TMEM156: variants seen among roughly 807,000 people sequenced by gnomAD.
The protein encoded by TMEM156 is transmembrane protein 156.
In TMEM156, 28 loss-of-function variants were observed where a neutral mutation model predicts 30.5. The observed-to-expected ratio is 0.92, with a 90% CI of 0.68 to 1.26. The LOEUF (loss-of-function observed/expected upper bound fraction) is 1.26, where lower values mean the gene tolerates loss of function less well. Ranked by LOEUF, TMEM156 falls within the 50% of genes most tolerant of loss-of-function variation. The pLI, the probability that TMEM156 is intolerant of heterozygous loss-of-function variation, is 0.00. For missense variants in TMEM156, 351 were observed against 340.6 expected, an observed-to-expected ratio of 1.03 and a Z score of -0.24; for synonymous variants, 137 against 119.9, an observed-to-expected ratio of 1.14 and a Z score of -0.93.
intron 5 of TMEM156, among the ~76,000 whole-genome samples, chr4:38,983,709 T>G (rs571239116): frequency 6.6e-6 from 1 of 152,356 alleles, no homozygotes; most frequent in Admixed American, 6.5e-5. Flanking sequence ...CTAGAGTTAC[T>G]TTTGCATGTT....
intron 5 of TMEM156, among the ~76,000 whole-genome samples, chr4:38,978,750 G>A (rs1723022997): frequency 2.6e-5 from 4 of 152,144 alleles, no homozygotes; most frequent in African/African-American, 7.2e-5. Flanking sequence ...CCCCTAAAAT[G>A]GGGAGAAAGT....
At chr4:39,004,307 A>T (rs1272713483) in intron 1 of TMEM156, among the ~76,000 whole-genome samples, 1 of 152,320 alleles carries the variant, frequency 6.6e-6, no homozygotes, top group African/African-American at 2.4e-5. Context: ...CAAATGCTCA[A>T]GTCAAATATT....
At chr4:38,984,501 T>C (rs1360599419) in intron 5 of TMEM156, among the ~76,000 whole-genome samples, 1 of 151,986 alleles carries the variant, frequency 6.6e-6, no homozygotes, top group Non-Finnish European at 1.5e-5. Context: ...CGCTTTGAAC[T>C]ACATTTTTTT....
At chr4:39,022,121 T>C (rs1714909416) in intron 1 of TMEM156, among the ~76,000 whole-genome samples, 1 of 152,214 alleles carries the variant, frequency 6.6e-6, no homozygotes, top group Admixed American at 6.6e-5. Flanking sequence ...GAGTGTCTAA[T>C]GGCACCATTA....
At chr4:38,972,550 CTCTT>C (rs573693924) in intron 5 of TMEM156, among the ~76,000 whole-genome samples, 63 of 151,500 alleles carry the variant, frequency 4.2e-4, no homozygotes, top group South Asian at 8.3e-4. Flanking sequence ...CATTCCCTGC[CTCTT>C]TCTTTCTTTT....
chr4:39,014,824 GAAAT>G (rs1714374366), intron 1 of TMEM156, among the ~76,000 whole-genome samples: 3 of 147,540 alleles, frequency 2.0e-5, no homozygotes, highest in Admixed American at 1.4e-4. Flanking sequence ...TTTTAAAAAA[GAAAT>G]AAATAAATGT....
chr4:39,015,361 T>A (rs1345754133), intron 1 of TMEM156, among the ~76,000 whole-genome samples: 1 of 152,136 alleles, frequency 6.6e-6, no homozygotes, highest in East Asian at 1.9e-4. Flanking sequence ...GTGGATCCAG[T>A]GTAATCATGA....
chr4:39,022,470 T>C (rs899352708), intron 1 of TMEM156, among the ~76,000 whole-genome samples: 2 of 152,222 alleles, frequency 1.3e-5, no homozygotes, highest in African/African-American at 4.8e-5. Context: ...TTGTTCACTC[T>C]TGCTTAGCCA....
intron 1 of TMEM156, among the ~76,000 whole-genome samples, chr4:39,002,276 C>G (rs147257188): frequency 3.3e-5 from 5 of 151,994 alleles, no homozygotes; most frequent in Non-Finnish European, 7.4e-5. Context: ...AAAAAACACA[C>G]GAAAAAATGT....
intron 4 of TMEM156, among the ~76,000 whole-genome samples, chr4:38,986,676 TG>T (rs1184609072): frequency 4.7e-5 from 7 of 150,522 alleles, no homozygotes; most frequent in South Asian, 4.2e-4. Context: ...GGCGTGGTGG[TG>T]CATGCCTGTA....
chr4:38,982,648 TA>T (rs1203054601), intron 5 of TMEM156, among the ~76,000 whole-genome samples: 1 of 152,158 alleles, frequency 6.6e-6, no homozygotes, highest in Non-Finnish European at 1.5e-5. Flanking sequence ...AATCCACAGA[TA>T]AAAAAGACAG....
intron 1 of TMEM156, among the ~76,000 whole-genome samples, chr4:39,010,338 A>G (rs1714023914): frequency 6.6e-6 from 1 of 152,210 alleles, no homozygotes; most frequent in Non-Finnish European, 1.5e-5. Flanking sequence ...CAATCTACAG[A>G]TTCAACGCTA....
chr4:38,967,852 G>A (rs369961163), intron 6 of TMEM156, among the ~76,000 whole-genome samples: 8 of 152,344 alleles, frequency 5.3e-5, no homozygotes, highest in South Asian at 4.1e-4. Context: ...GATTACAGGC[G>A]TGAGCCACCA....
chr4:39,025,345 C>CAAAA (rs59380844), intron 1 of TMEM156, among the ~76,000 whole-genome samples: 4 of 65,744 alleles, frequency 6.1e-5, no homozygotes, highest in African/African-American at 2.0e-4. Flanking sequence ...AAGACTGTCT[C>CAAAA]AAAAAAAAAA....
At position 38,993,771 on chromosome 4, in the gene TMEM156, G is replaced by C; in HGVS notation, c.586C>G (p.His196Asp). The change falls in exon 3 of 7, where the codon CAC becomes GAC. Residue 196 changes from histidine (H) to aspartate (D), a missense_variant. By Grantham distance (81) the His-to-Asp change is moderately conservative. Transcript: ENST00000381938. ...TCCATCTCTAGGTGCAAAGAAATGT[G>C]TATACAATCATTCGGGTATTCCATG... ...RIMEYPNDCI[H>D]ISLHLEMDIK... 6.2e-7 allele frequency: 1 copy of C among 1,613,172 alleles called. No individual in the cohort carries two copies. The highest frequency in any genetic ancestry group is 8.5e-7 in the Non-Finnish European group (1 of 1,179,214).
chr4:38,996,262 GA>G (rs372975520), intron 2 of TMEM156, among the ~76,000 whole-genome samples: 4,570 of 119,348 alleles, frequency 0.038, 223 homozygotes, highest in African/African-American at 0.12. Context: ...CCATTACTAA[GA>G]AAAAAAAAAA....
chr4:39,023,004 G>A (rs1023287925), intron 1 of TMEM156, among the ~76,000 whole-genome samples: 5 of 152,196 alleles, frequency 3.3e-5, no homozygotes, highest in Admixed American at 6.5e-5. Context: ...CTAACCGTTT[G>A]TGTACCCCTA....
In TMEM156 at chr4:38,999,180, A is replaced by G. The variant is rs1041238911; in HGVS notation, c.89-271T>C. 4.8e-5 allele frequency among the ~76,000 whole-genome samples: 7 copies of G among 146,076 alleles called. No homozygotes were observed. In the East Asian group the frequency reaches 1.4e-3, roughly 29 times the overall value. ...CGCCCAGGCTAGAGTGCAGTGGTGT[A>G]ATCATAGCTTACTGCAGCCTTGGCC... On this transcript the variant is annotated intron_variant, in intron 1 of 6. Coordinates refer to ENST00000381938, the MANE Select transcript of TMEM156 (RefSeq NM_024943.3).
chr4:39,017,243 C>T (rs962380283), intron 1 of TMEM156, among the ~76,000 whole-genome samples: 12 of 127,946 alleles, frequency 9.4e-5, no homozygotes, highest in African/African-American at 3.6e-4. Context: ...GGCACCATAT[C>T]AGCTCACTTC....
Sources: allele counts gnomAD v4.1 joint callset (sites outside exome capture counted in the v4.1 genomes callset), GRCh38; gene constraint gnomAD v4.1.1; transcripts MANE v1.5; gene names NCBI Gene and HGNC (gene_info 2026-07-23, HGNC 2026-07-21).